The following AHDC1 variants were observed in gnomAD, a reference collection of about 807,000 sequenced individuals.
AHDC1 encodes AT-hook DNA binding motif containing 1, also known as transcription factor Gibbin.
In AHDC1, 7 loss-of-function variants were observed where a neutral mutation model predicts 87.9. That is an observed-to-expected ratio of 0.08 (90% CI 0.05 to 0.15). The LOEUF is 0.15. Among genes scored for constraint, AHDC1 ranks in the 10% least tolerant of loss-of-function variants. The pLI, the probability that AHDC1 is intolerant of heterozygous loss-of-function variation, is 1.00. For missense variants in AHDC1, 1,841 were observed against 2,253.2 expected (o/e 0.82, Z 3.70); for synonymous variants, 1,051 against 1,006.8 (o/e 1.04, Z -0.83).
intron 8 of AHDC1, among the ~76,000 whole-genome samples, chr1:27,536,648 C>A (rs376652663): frequency 6.6e-6 from 1 of 152,110 alleles, no homozygotes; most frequent in Admixed American, 6.5e-5. Context: ...GCGCTGGGGG[C>A]ATCTATCCAG....
Position 27,551,336 on chromosome 1 carries a change from C to T in AHDC1, c.780G>A (p.Glu260=). The T allele has an allele frequency of 6.2e-7, 1 of 1,613,344 alleles. No individual in the cohort carries two copies. The highest frequency in any genetic ancestry group is 8.5e-7 in the Non-Finnish European group (1 of 1,179,890). Residue 260 remains glutamate, a synonymous_variant, in exon 8 of 9, where the codon GAG becomes GAA. Transcript: ENST00000673934. ...SLTCPEAQLL[E]AQALEPPSPE... ...GCGATGGTGGCTCGAGGGCCTGGGC[C>T]TCTAGCAGCTGGGCCTCTGGGCAAG...
chr1:27,548,452 T>C lies in AHDC1; in HGVS notation c.3664A>G (p.Ser1222Gly). 6.2e-7 allele frequency: 1 copy of C among 1,613,842 alleles called. No individual in the cohort carries two copies. Among genetic ancestry groups the C allele is most frequent in the Non-Finnish European group, 8.5e-7 (1 of 1,180,006 alleles). Residue 1222 changes from serine (S) to glycine (G), a missense_variant, in exon 8 of 9, where the codon AGT (serine) becomes GGT (glycine). Physicochemically the swap from Ser to Gly is moderately conservative, Grantham distance 56. This residue lies in a region of AHDC1 where 505 missense variants were observed against 626.2 expected (regional missense o/e 0.81). Coordinates refer to ENST00000673934, the MANE Select transcript of AHDC1 (RefSeq NM_001371928.1). ...TTGGAGCTACTCTGAAAGAGGACACTCTGGTTCCAGTTGTAGCCGGGGGCA... is the reference window on the plus strand; with the variant it reads ...TTGGAGCTACTCTGAAAGAGGACACCCTGGTTCCAGTTGTAGCCGGGGGCA... ...SSAPGYNWNQ[S>G]VLFQSSSKPG... is the part of the protein sequence containing the mutation.
At position 27,562,134 on chromosome 1, in the gene AHDC1, C is replaced by T. The variant is rs555534997; in HGVS notation, c.-628-3251G>A. ...GGCAGGGTGGGCCGGGGAGAAGGGCCGAGGGGAGGCCTGTGTGGGCAGTAG... is the reference window on the plus strand; with the variant it reads ...GGCAGGGTGGGCCGGGGAGAAGGGCTGAGGGGAGGCCTGTGTGGGCAGTAG... On this transcript the variant is annotated intron_variant, in intron 3 of 8. Coordinates refer to ENST00000673934, the MANE Select transcript of AHDC1 (RefSeq NM_001371928.1). This position sits in a 1 kb window ranked among gnomAD's most constrained non-coding sequence, Gnocchi z 4.4. Among the ~76,000 whole-genome samples, 224 of 151,958 alleles carry T rather than the reference C, an allele frequency of 1.5e-3. No individual in the cohort carries two copies. Among genetic ancestry groups the T allele is most frequent in the African/African-American group, 5.1e-3 (213 of 41,440 alleles).
At position 27,576,220 on chromosome 1, in the gene AHDC1, G is replaced by C. The variant is rs958191571; in HGVS notation, c.-628-17337C>G. ...ATTTCCTTACCTGTAAATTGGGGTT[G>C]AGCTACCCGGCTTTATAGGGTAGGT... On this transcript the variant is annotated intron_variant, in intron 3 of 8. Coordinates refer to ENST00000673934, the MANE Select transcript of AHDC1 (RefSeq NM_001371928.1). Among the ~76,000 whole-genome samples, 3 of 152,144 alleles carry C rather than the reference G, an allele frequency of 2.0e-5. No individual in the cohort carries two copies. The South Asian group carries it at 6.2e-4, about 32-fold the overall frequency.
chr1:27,559,108 G>A (rs999941787), intron 3 of AHDC1, among the ~76,000 whole-genome samples: 5 of 151,452 alleles, frequency 3.3e-5, no homozygotes, highest in Non-Finnish European at 5.9e-5. Context: ...TTGGAGTGCA[G>A]TGGCATGATC....
intron 3 of AHDC1, among the ~76,000 whole-genome samples, chr1:27,572,019 C>CCCTCA (rs1243278969): frequency 6.6e-6 from 1 of 152,166 alleles, no homozygotes; most frequent in Non-Finnish European, 1.5e-5. Context: ...CCCACCTGGG[C>CCCTCA]CCTCAGCTCC....
At chr1:27,569,105 C>A (rs1475026475) in intron 3 of AHDC1, among the ~76,000 whole-genome samples, 1 of 150,906 alleles carries the variant, frequency 6.6e-6, no homozygotes, top group Non-Finnish European at 1.5e-5. Context: ...TGGATACTAC[C>A]CCCCATCGCC....
chr1:27,597,313 TGGA>T (rs1204782036), intron 3 of AHDC1, among the ~76,000 whole-genome samples: 62 of 151,054 alleles, frequency 4.1e-4, no homozygotes, highest in East Asian at 7.8e-4. Flanking sequence ...AGTGTGAGGG[TGGA>T]GATTTACATG....
intron 3 of AHDC1, among the ~76,000 whole-genome samples, chr1:27,596,711 C>A (rs2089382731): frequency 1.3e-5 from 2 of 152,084 alleles, no homozygotes; most frequent in Non-Finnish European, 2.9e-5. Context: ...GCAGTTTGCC[C>A]CATGCCCTTA....
chr1:27,575,485 G>C (rs2088695418), intron 3 of AHDC1, among the ~76,000 whole-genome samples: 1 of 151,914 alleles, frequency 6.6e-6, no homozygotes, highest in South Asian at 2.1e-4. Flanking sequence ...CCCTCGCCGC[G>C]GAGGCGCCCC....
chr1:27,564,228 TC>T (rs1439585842), intron 3 of AHDC1, among the ~76,000 whole-genome samples: 3 of 151,998 alleles, frequency 2.0e-5, no homozygotes, highest in Non-Finnish European at 2.9e-5. Context: ...CAGTCTGAGC[TC>T]CTCCAGGGCC....
In AHDC1 at chr1:27,536,798, C is replaced by T. The variant is rs539347128; in HGVS notation, c.*44-1882G>A. 9.9e-5 allele frequency among the ~76,000 whole-genome samples: 15 copies of T among 152,196 alleles called. No individual in the cohort carries two copies. In the South Asian group the frequency reaches 3.1e-3, roughly 32 times the overall value. ...ACTGATATTGTCCAACGCCAGCCTC[C>T]CCTGCTCCCTCCAAGGGCCCCGGGG... On this transcript the variant is annotated intron_variant, in intron 8 of 8. Transcript: ENST00000673934.
Position 27,551,821 on chromosome 1 carries a change from T to C in AHDC1, c.295A>G (p.Thr99Ala). 1 of 1,611,324 alleles carries C rather than the reference T, an allele frequency of 6.2e-7. No individual in the cohort carries two copies. The highest frequency in any genetic ancestry group is 1.1e-5 in the South Asian group (1 of 90,976). ...ARPVSQARCPTPVGDGSSSRR... is the reference protein window; with the variant it reads ...ARPVSQARCPAPVGDGSSSRR... ...GAGCTGCTGCCGTCTCCGACCGGTG[T>C]GGGGCAGCGGGCCTGTGAGACAGGA... Residue 99 changes from threonine to alanine, a missense_variant, in exon 8 of 9, where the codon ACA becomes GCA. This residue lies in a region of AHDC1 where 142 missense variants were observed against 165.6 expected (regional missense o/e 0.86). Transcript: ENST00000673934.
intron 3 of AHDC1, among the ~76,000 whole-genome samples, chr1:27,591,342 A>T (rs189328063): frequency 6.6e-6 from 1 of 152,278 alleles, no homozygotes; most frequent in East Asian, 1.9e-4. Flanking sequence ...AGGCCAGGAG[A>T]CCTGGGATCC....
chr1:27,597,444 G>A (rs1054051049), intron 3 of AHDC1, among the ~76,000 whole-genome samples: 9 of 152,064 alleles, frequency 5.9e-5, no homozygotes, highest in African/African-American at 1.9e-4. Context: ...GCGTTTATAC[G>A]AGGGGCATCC....
intron 5 of AHDC1, among the ~76,000 whole-genome samples, chr1:27,555,116 G>C (rs750641949): frequency 1.3e-5 from 2 of 152,204 alleles, no homozygotes; most frequent in African/African-American, 2.4e-5. Context: ...AGGCTGGGAG[G>C]AACCTTAAAA....
intron 3 of AHDC1, among the ~76,000 whole-genome samples, chr1:27,576,180 C>G (rs769762145): frequency 6.6e-6 from 1 of 152,194 alleles, no homozygotes; most frequent in Non-Finnish European, 1.5e-5. Context: ...AACCGGCGGC[C>G]AATCACAGGC....
In AHDC1 at chr1:27,560,305, T is replaced by G. The variant is rs533851844; in HGVS notation, c.-628-1422A>C. On this transcript the variant is annotated intron_variant, in intron 3 of 8. Transcript: ENST00000673934. This position sits in a 1 kb window ranked among gnomAD's most constrained non-coding sequence, Gnocchi z 4.1. ...GTAGCCAGGTGAGCCCAGCTGTGGC[T>G]GGGTGTGAGCATGCCTGGGTGTGCA... Among the ~76,000 whole-genome samples the G allele has an allele frequency of 1.3e-5, 2 of 152,112 alleles. No individual in the cohort carries two copies. Among genetic ancestry groups the G allele is most frequent in the Admixed American group, 1.3e-4 (2 of 15,280 alleles).
chr1:27,578,487 G>A (rs542896084), intron 3 of AHDC1, among the ~76,000 whole-genome samples: 10 of 151,884 alleles, frequency 6.6e-5, no homozygotes, highest in Admixed American at 3.9e-4. Flanking sequence ...TACTTGGGGG[G>A]CTGAGGCAGG....
Sources: gnomAD v4.1 joint callset for allele counts (sites outside exome capture counted in the v4.1 genomes callset) on GRCh38, gnomAD v4.1.1 for gene constraint, gnomAD v4.1.1 regional missense constraint, Gnocchi (gnomAD v3.1) non-coding constraint, MANE v1.5 for transcripts, NCBI Gene and HGNC (gene_info 2026-07-23, HGNC 2026-07-21) for gene names.